FNDC3A: variants seen among roughly 807,000 people sequenced by gnomAD.
The protein encoded by FNDC3A is fibronectin type III domain containing 3A, also known as fibronectin type-III domain-containing protein 3A.
In FNDC3A, 32 loss-of-function variants were observed where a neutral mutation model predicts 148.9. The observed-to-expected ratio is 0.21, with a 90% CI of 0.16 to 0.29. The LOEUF (loss-of-function observed/expected upper bound fraction) is 0.29, where lower values mean the gene tolerates loss of function less well. FNDC3A is among the 10% of genes least tolerant of loss of function. FNDC3A has a pLI of 1.00. For synonymous variants in FNDC3A, 472 were observed against 473.6 expected, an observed-to-expected ratio of 1.00 and a Z score of 0.04; for missense variants, 1,191 against 1,452.8, an observed-to-expected ratio of 0.82 and a Z score of 2.93.
At chr13:49,077,326 G>T (rs1878182217) in intron 3 of FNDC3A, among the ~76,000 whole-genome samples, 1 of 152,172 alleles carries the variant, frequency 6.6e-6, no homozygotes. Context: ...TGTATACTTT[G>T]TCATCTTTCA....
chr13:49,023,399 C>T (rs949379391), intron 2 of FNDC3A, among the ~76,000 whole-genome samples: 28 of 151,506 alleles, frequency 1.8e-4, no homozygotes, highest in African/African-American at 5.3e-4. Flanking sequence ...GCTAATATGA[C>T]AAAACTAAAA....
At chr13:49,159,199 AT>A (rs1178233361) in intron 8 of FNDC3A, among the ~76,000 whole-genome samples, 1 of 152,134 alleles carries the variant, frequency 6.6e-6, no homozygotes, top group Non-Finnish European at 1.5e-5. Flanking sequence ...GAATCTATAA[AT>A]TACCTTGGGC....
intron 1 of FNDC3A, chr13:48,976,473 C>G (rs1448279625): frequency 6.5e-6 from 1 of 153,316 alleles, no homozygotes; most frequent in Admixed American, 6.5e-5. Context: ...CGCCATCCAG[C>G]CCAAGAGGAG....
At chr13:49,183,534 G>GGT (rs1185212095) in intron 14 of FNDC3A, among the ~76,000 whole-genome samples, 7 of 152,062 alleles carry the variant, frequency 4.6e-5, no homozygotes, top group Admixed American at 3.3e-4. Flanking sequence ...ATGACTAGAA[G>GGT]GTGCTTTACA....
intron 2 of FNDC3A, among the ~76,000 whole-genome samples, chr13:49,016,061 T>A (rs1952492792): frequency 6.6e-6 from 1 of 152,220 alleles, no homozygotes; most frequent in African/African-American, 2.4e-5. Flanking sequence ...GGTCTAAAAT[T>A]CTCTTTTTTT....
chr13:49,110,703 G>A (rs1880509418), intron 3 of FNDC3A, among the ~76,000 whole-genome samples: 1 of 152,154 alleles, frequency 6.6e-6, no homozygotes, highest in African/African-American at 2.4e-5. Flanking sequence ...CTGGCTTATA[G>A]AGAATGTGTA....
intron 8 of FNDC3A, among the ~76,000 whole-genome samples, chr13:49,158,335 C>T (rs1883855089): frequency 6.6e-6 from 1 of 152,206 alleles, no homozygotes; most frequent in Non-Finnish European, 1.5e-5. Flanking sequence ...ACTCCCTGAC[C>T]CCTTGCGCTT....
chr13:49,009,504 G>T (rs1952292463), intron 2 of FNDC3A, among the ~76,000 whole-genome samples: 1 of 152,176 alleles, frequency 6.6e-6, no homozygotes, highest in Admixed American at 6.5e-5. Flanking sequence ...AGATTGTGCG[G>T]TAGGGCTGTG....
chr13:48,994,655 G>C (rs1351679758), intron 1 of FNDC3A, among the ~76,000 whole-genome samples: 1 of 152,192 alleles, frequency 6.6e-6, no homozygotes, highest in East Asian at 1.9e-4. Flanking sequence ...GCGCATGCCT[G>C]TAATCCCAGC....
chr13:49,205,651 C>T (rs1375336478), intron 25 of FNDC3A, among the ~76,000 whole-genome samples: 1 of 152,092 alleles, frequency 6.6e-6, no homozygotes, highest in Non-Finnish European at 1.5e-5. Flanking sequence ...ATAAGGGATA[C>T]CCAACCTGTA....
chr13:49,073,521 A>G (rs1877848071), intron 2 of FNDC3A, among the ~76,000 whole-genome samples: 1 of 151,888 alleles, frequency 6.6e-6, no homozygotes, highest in Admixed American at 6.6e-5. Context: ...CTGACAGGTC[A>G]TATGACAGGT....
chr13:49,110,918 G>T (rs895174889), intron 3 of FNDC3A, among the ~76,000 whole-genome samples: 9 of 152,192 alleles, frequency 5.9e-5, no homozygotes, highest in African/African-American at 2.2e-4. Context: ...AATTTCTTAA[G>T]ACAATTGGTT....
At chr13:49,041,826 A>G (rs995238234) in intron 2 of FNDC3A, among the ~76,000 whole-genome samples, 29 of 151,962 alleles carry the variant, frequency 1.9e-4, no homozygotes, top group East Asian at 5.8e-4. Context: ...AAAAAAAAAA[A>G]AAAAGAAAAG....
chr13:49,126,158 C>T (rs1414066895), intron 4 of FNDC3A, among the ~76,000 whole-genome samples: 1 of 152,024 alleles, frequency 6.6e-6, no homozygotes, highest in Admixed American at 6.6e-5. Context: ...CTGTTGCCTT[C>T]CTCTGAAGTT....
chr13:49,171,398 A>T (rs150031394), intron 10 of FNDC3A, among the ~76,000 whole-genome samples: 2,096 of 152,314 alleles, frequency 0.014, 28 homozygotes, highest in Non-Finnish European at 0.018. Flanking sequence ...AATAGGGGTG[A>T]CCATTTATTC....
intron 1 of FNDC3A, among the ~76,000 whole-genome samples, chr13:48,999,127 A>G (rs921811651): frequency 1.3e-5 from 2 of 152,196 alleles, no homozygotes; most frequent in Admixed American, 6.5e-5. Context: ...AGAGTGCTGC[A>G]TGGTCAGGGC....
At chr13:49,087,204 A>G (rs1351592336) in intron 3 of FNDC3A, among the ~76,000 whole-genome samples, 1 of 152,180 alleles carries the variant, frequency 6.6e-6, no homozygotes, top group African/African-American at 2.4e-5. Context: ...TAAAATAAGC[A>G]ACAAAAATAT....
chr13:49,048,449 C>T (rs909175764), intron 2 of FNDC3A, among the ~76,000 whole-genome samples: 5 of 152,070 alleles, frequency 3.3e-5, no homozygotes, highest in Middle Eastern at 3.4e-3. Context: ...AATATTAATT[C>T]GTGAGCATGG....
intron 4 of FNDC3A, among the ~76,000 whole-genome samples, chr13:49,128,698 C>T (rs993519593): frequency 6.6e-6 from 1 of 152,202 alleles, no homozygotes; most frequent in African/African-American, 2.4e-5. Flanking sequence ...ACCACCCTAT[C>T]ACCGCTTCAT....
Sources: allele counts gnomAD v4.1 joint callset (sites outside exome capture counted in the v4.1 genomes callset), GRCh38; gene constraint gnomAD v4.1.1; transcripts MANE v1.5; gene names NCBI Gene and HGNC (gene_info 2026-07-23, HGNC 2026-07-21).